The following ARAP2 variants were observed in gnomAD, a reference collection of about 807,000 sequenced individuals.
ARAP2 encodes the protein arf-GAP with Rho-GAP domain, ANK repeat and PH domain-containing protein 2.
Under a neutral mutation model 194.5 loss-of-function variants are expected in ARAP2, and 148 were observed. The observed-to-expected ratio is 0.76, with a 90% CI of 0.67 to 0.87. ARAP2 has a LOEUF of 0.87. Among genes scored for constraint, ARAP2 ranks in the 40% least tolerant of loss-of-function variants. The probability of loss-of-function intolerance (pLI) is 0.00; values close to 1 mark genes in which losing one functional copy is unlikely to be tolerated. For missense variants in ARAP2, 2,128 were observed against 1,989.7 expected (o/e 1.07, Z -1.32); for synonymous variants, 695 against 683.5 (o/e 1.02, Z -0.26).
intron 27 of ARAP2, among the ~76,000 whole-genome samples, chr4:36,093,360 A>AT (rs1007857339): frequency 5.3e-5 from 8 of 152,000 alleles, no homozygotes; most frequent in Admixed American, 2.6e-4. Context: ...CTTAAAAGTT[A>AT]TTTTTTTTAA....
intron 22 of ARAP2, among the ~76,000 whole-genome samples, chr4:36,123,853 C>T (rs1200749898): frequency 6.6e-6 from 1 of 151,738 alleles, no homozygotes; most frequent in Non-Finnish European, 1.5e-5. Flanking sequence ...CATTATCCTT[C>T]ACTCATTTCT....
intron 31 of ARAP2, among the ~76,000 whole-genome samples, chr4:36,075,838 C>T (rs1363392395): frequency 6.6e-6 from 1 of 152,100 alleles, no homozygotes. Context: ...TCTGTACATC[C>T]ATCACACTTT....
chr4:36,176,957 T>C (rs1227199913), intron 9 of ARAP2, among the ~76,000 whole-genome samples: 1 of 152,060 alleles, frequency 6.6e-6, no homozygotes, highest in Non-Finnish European at 1.5e-5. Context: ...TTAGATCAGC[T>C]ATCCAAAGTG....
chr4:36,051,030 A>G (rs1722574455), intron 3 of ARAP2, among the ~76,000 whole-genome samples: 1 of 152,208 alleles, frequency 6.6e-6, no homozygotes, highest in Admixed American at 6.5e-5. Flanking sequence ...ATGTTTAAAA[A>G]CTATCTCACG....
At chr4:36,155,746 T>C (rs1732137582) in intron 15 of ARAP2, among the ~76,000 whole-genome samples, 2 of 151,898 alleles carry the variant, frequency 1.3e-5, no homozygotes. Flanking sequence ...CACTGCACGC[T>C]CTGCCTCCCA....
rs1053371747 is a variant in ARAP2 at position 36,028,585 on chromosome 4, A to T, written n.608-9299T>A. ...TACTTTTTCATTTTCTTTCTTTACT[A>T]AATTAGCTAATGTTTGTCTTCTGTT... is the stretch of plus-strand genomic sequence containing the variant. On this transcript the variant is annotated intron_variant and non_coding_transcript_variant, in intron 5 of 12. Coordinates refer to the ARAP2 transcript ENST00000503225. 2.7e-5 allele frequency among the ~76,000 whole-genome samples: 4 copies of T among 149,098 alleles called. No homozygotes were observed. The East Asian group carries it at 7.9e-4, about 30-fold the overall frequency.
intron 22 of ARAP2, among the ~76,000 whole-genome samples, chr4:36,124,109 G>T (rs1723320090): frequency 6.6e-6 from 1 of 151,784 alleles, no homozygotes; most frequent in Non-Finnish European, 1.5e-5. Flanking sequence ...GAGAAGTAGT[G>T]GTTGGGAAAG....
At chr4:36,156,872 C>T (rs1732685239) in intron 15 of ARAP2, among the ~76,000 whole-genome samples, 1 of 152,108 alleles carries the variant, frequency 6.6e-6, no homozygotes, top group Admixed American at 6.5e-5. Flanking sequence ...AAAAATATCC[C>T]TAGTTAAATT....
intron 9 of ARAP2, among the ~76,000 whole-genome samples, chr4:36,173,081 T>C (rs1488140025): frequency 6.6e-6 from 1 of 152,134 alleles, no homozygotes; most frequent in Non-Finnish European, 1.5e-5. Context: ...AGTTTAAACC[T>C]CAATGCCACA....
chr4:36,193,755 A>G, intron 6 of ARAP2, 108 bp from the exon 7 acceptor site: 2 of 822,598 alleles, frequency 2.4e-6, no homozygotes, highest in East Asian at 5.7e-5. Flanking sequence ...AATGTTAAAC[A>G]CCATAGACAA....
rs1725922031 is a variant in ARAP2, at chr4:36,068,135, T to C, written c.4887A>G (p.Lys1629=). Residue 1629 remains lysine (K), a synonymous_variant, in exon 33 of 33, where the codon AAA becomes AAG. Transcript: ENST00000303965. ...KDDKLRNRPR[K]HRSFNCLEDT... ...CCTCCAGGCAGTTGAAACTCCGATG[T>C]TTTCGGGGTCGATTTCGAAGTTTAT... 1.9e-6 allele frequency: 3 copies of C among 1,614,122 alleles called. No individual in the cohort carries two copies. Among genetic ancestry groups the C allele is most frequent in the Non-Finnish European group, 2.5e-6 (3 of 1,179,988 alleles).
intron 27 of ARAP2, among the ~76,000 whole-genome samples, chr4:36,101,195 G>A (rs1020575363): frequency 1.3e-5 from 2 of 151,852 alleles, no homozygotes; most frequent in Non-Finnish European, 2.9e-5. Context: ...TGGTATCCAC[G>A]ACAAGCAGGT....
chr4:36,156,443 G>GAAAGAGAA (rs1553923351), intron 15 of ARAP2, among the ~76,000 whole-genome samples: 1 of 16,244 alleles, frequency 6.2e-5, no homozygotes, highest in Admixed American at 4.9e-4. Context: ...AAGAAAGAAA[G>GAAAGAGAA]AGAAAGAAAG....
chr4:36,082,535 T>A (rs981512795), intron 29 of ARAP2, among the ~76,000 whole-genome samples: 1 of 152,084 alleles, frequency 6.6e-6, no homozygotes, highest in Non-Finnish European at 1.5e-5. Context: ...TCTGAGAAGA[T>A]ACTCTTAACT....
intron 9 of ARAP2, among the ~76,000 whole-genome samples, chr4:36,172,396 A>T (rs183550939): frequency 6.6e-6 from 1 of 152,360 alleles, no homozygotes; most frequent in Non-Finnish European, 1.5e-5. Context: ...AGCAACATAA[A>T]TTAAGGGTCT....
At chr4:36,021,954 A>T (rs1443650675) in intron 5 of ARAP2, among the ~76,000 whole-genome samples, 2 of 152,122 alleles carry the variant, frequency 1.3e-5, no homozygotes, top group Non-Finnish European at 2.9e-5. Flanking sequence ...AGATCACTAC[A>T]CCTAGGCTAT....
intron 8 of ARAP2, among the ~76,000 whole-genome samples, chr4:36,178,341 C>T (rs1034707923): frequency 3.3e-5 from 5 of 152,024 alleles, no homozygotes; most frequent in African/African-American, 7.2e-5. Flanking sequence ...TCTGAGAAGC[C>T]CTCTTTTAGA....
chr4:36,189,305 T>C (rs1741334214), intron 7 of ARAP2, among the ~76,000 whole-genome samples: 2 of 152,168 alleles, frequency 1.3e-5, no homozygotes, highest in Non-Finnish European at 1.5e-5. Flanking sequence ...GGATACATAG[T>C]GATGTCATGA....
At chr4:36,215,108 C>A (rs1747627786) in intron 2 of ARAP2, among the ~76,000 whole-genome samples, 1 of 152,128 alleles carries the variant, frequency 6.6e-6, no homozygotes, top group African/African-American at 2.4e-5. Context: ...ACAGAGTTCT[C>A]TTTTCCATCT....
Sources: allele counts gnomAD v4.1 joint callset (sites outside exome capture counted in the v4.1 genomes callset), GRCh38; gene constraint gnomAD v4.1.1; transcripts MANE v1.5; gene names NCBI Gene and HGNC (gene_info 2026-07-23, HGNC 2026-07-21).